Variants in MAP3K14 observed in about 807,000 individuals in gnomAD.
MAP3K14 encodes the protein NF-kappa-beta-inducing kinase.
A neutral mutation model predicts 99.2 loss-of-function variants in MAP3K14; 16 were observed. The observed-to-expected ratio is 0.16, with a 90% confidence interval of 0.11 to 0.24. The LOEUF (loss-of-function observed/expected upper bound fraction) is 0.24. Among genes scored for constraint, MAP3K14 ranks in the 10% least tolerant of loss-of-function variants. The pLI, the probability that MAP3K14 is intolerant of heterozygous loss-of-function variation, is 1.00. For missense variants in MAP3K14, 784 were observed against 1,208.7 expected (o/e 0.65, Z 5.21); for synonymous variants, 462 against 492.4 (o/e 0.94, Z 0.82).
chr17:45,310,281 G>A (rs1328939837), intron 1 of MAP3K14, among the ~76,000 whole-genome samples: 4 of 151,820 alleles, frequency 2.6e-5, no homozygotes, highest in Non-Finnish European at 4.4e-5. Flanking sequence ...TGATCCGCCC[G>A]CCTCAGCCTC....
intron 1 of MAP3K14, among the ~76,000 whole-genome samples, chr17:45,291,921 C>T (rs146621256): frequency 3.3e-4 from 50 of 152,370 alleles, no homozygotes; most frequent in Admixed American, 3.0e-3. Context: ...CAGACAGGTA[C>T]ACCATCTGAA....
At chr17:45,270,775 C>G (rs1218801218) in intron 10 of MAP3K14, 1 of 792,190 alleles carries the variant, frequency 1.3e-6, no homozygotes, top group Non-Finnish European at 2.0e-6. Flanking sequence ...GGCAGCAAGA[C>G]GCCCACAGCC....
chr17:45,305,960 T>A (rs2044427246), intron 1 of MAP3K14, among the ~76,000 whole-genome samples: 3 of 152,254 alleles, frequency 2.0e-5, no homozygotes, highest in Admixed American at 2.0e-4. Flanking sequence ...GACCCACAAT[T>A]CCTTGGCAGC....
Position 45,287,160 on chromosome 17 carries a change from T to C in MAP3K14, c.531A>G (p.Pro177=). The C allele has an allele frequency of 6.2e-7, 1 of 1,613,418 alleles. No individual in the cohort carries two copies. The highest frequency in any genetic ancestry group is 8.5e-7 in the Non-Finnish European group (1 of 1,179,548). The part of the protein sequence containing the change: ...RTPEQESCTI[P]VQEDESPLGA... ...AGTGGGTGGAGGGTCTCACCTGCAC[T>C]GGGATGGTGCAGCTCTCCTGCTCAG... Residue 177 remains proline (P), a synonymous_variant, in exon 4 of 16, where the codon CCA becomes CCG. Transcript: ENST00000344686.
intron 6 of MAP3K14, 95 bp from the exon 7 acceptor site, chr17:45,274,688 G>A (rs1391243040): frequency 1.4e-5 from 20 of 1,448,050 alleles, no homozygotes; most frequent in Non-Finnish European, 1.5e-5. Flanking sequence ...CACACACAGA[G>A]GCTGCTGCTG....
intron 1 of MAP3K14, among the ~76,000 whole-genome samples, chr17:45,309,590 C>T (rs911273199): frequency 2.0e-5 from 3 of 152,146 alleles, no homozygotes; most frequent in African/African-American, 7.2e-5. Context: ...TAAATGAGTG[C>T]CACAGGCTCT....
At chr17:45,296,865 A>G (rs1035718336) in intron 1 of MAP3K14, among the ~76,000 whole-genome samples, 16 of 152,266 alleles carry the variant, frequency 1.1e-4, no homozygotes, top group Admixed American at 2.6e-4. Context: ...TATCTACTCA[A>G]TGAAGCCTTT....
chr17:45,306,266 A>C (rs890720438), intron 1 of MAP3K14, among the ~76,000 whole-genome samples: 2 of 152,108 alleles, frequency 1.3e-5, no homozygotes, highest in African/African-American at 2.4e-5. Flanking sequence ...TTTGCACAAG[A>C]GACTTTTATG....
At position 45,286,476 on chromosome 17, in the gene MAP3K14, C is replaced by T. The variant is rs754170947; in HGVS notation, c.1107G>A (p.Glu369=). Residue 369 remains glutamate, a synonymous_variant, in exon 5 of 16, where the codon GAG becomes GAA. Transcript: ENST00000344686. This position sits in a 1 kb window ranked among gnomAD's most constrained non-coding sequence, Gnocchi z 4.1. ...TWAARGSRSR[E]PSPKTEDNEG... ...CGTTGTCCTCAGTTTTGGGGCTGGGCTCCCGGGATCTGGAGCCCCTTGCTG... is the reference window on the plus strand; with the variant it reads ...CGTTGTCCTCAGTTTTGGGGCTGGGTTCCCGGGATCTGGAGCCCCTTGCTG... 1 of 1,602,192 alleles carries T rather than the reference C, an allele frequency of 6.2e-7. No homozygotes were observed. Among genetic ancestry groups the T allele is most frequent in the Non-Finnish European group, 8.5e-7 (1 of 1,173,650 alleles).
intron 1 of MAP3K14, among the ~76,000 whole-genome samples, chr17:45,293,329 C>T (rs1291514758): frequency 1.3e-5 from 2 of 152,182 alleles, no homozygotes; most frequent in Non-Finnish European, 2.9e-5. Flanking sequence ...ACGGAGGCTT[C>T]TGGATAGGTC....
intron 3 of MAP3K14, among the ~76,000 whole-genome samples, chr17:45,288,376 CTT>C (rs1253266162): frequency 6.3e-5 from 7 of 111,566 alleles, no homozygotes; most frequent in Admixed American, 2.4e-4. Context: ...AGCTTGAACT[CTT>C]GTTTTTTTTT....
At chr17:45,266,155 G>A in intron 14 of MAP3K14, 2 of 176,316 alleles carry the variant, frequency 1.1e-5, no homozygotes, top group Non-Finnish European at 2.4e-5. Context: ...AATCCCAGAG[G>A]GGGATTCCTT....
At chr17:45,277,933 A>C (rs989820114) in intron 6 of MAP3K14, among the ~76,000 whole-genome samples, 1 of 152,252 alleles carries the variant, frequency 6.6e-6, no homozygotes, top group Non-Finnish European at 1.5e-5. Context: ...TGAGATGTGC[A>C]ACAAGGCATA....
At chr17:45,278,072 C>T (rs1211213377) in intron 6 of MAP3K14, among the ~76,000 whole-genome samples, 1 of 152,176 alleles carries the variant, frequency 6.6e-6, no homozygotes, top group Non-Finnish European at 1.5e-5. Flanking sequence ...GCTTCATAAA[C>T]AGAACTGTTG....
intron 1 of MAP3K14, among the ~76,000 whole-genome samples, chr17:45,301,840 T>A (rs1210201227): frequency 6.7e-6 from 1 of 149,054 alleles, no homozygotes; most frequent in Non-Finnish European, 1.5e-5. Flanking sequence ...TCTCTTTTTT[T>A]TTTTTTTTTT....
chr17:45,278,381 G>A (rs570340899), intron 6 of MAP3K14, among the ~76,000 whole-genome samples: 2 of 152,270 alleles, frequency 1.3e-5, no homozygotes, highest in South Asian at 2.1e-4. Context: ...TTCCTCATCC[G>A]TAAAATGAGG....
At chr17:45,310,075 C>T (rs2044461880) in intron 1 of MAP3K14, among the ~76,000 whole-genome samples, 1 of 147,654 alleles carries the variant, frequency 6.8e-6, no homozygotes, top group Admixed American at 6.8e-5. Flanking sequence ...GCTCTTGTCG[C>T]CCAGGCTGGA....
chr17:45,283,660 C>A (rs540954048), intron 6 of MAP3K14, among the ~76,000 whole-genome samples: 10 of 152,306 alleles, frequency 6.6e-5, no homozygotes, highest in South Asian at 4.1e-4. Flanking sequence ...CAGGTTGGTG[C>A]TCCAAAAGTT....
intron 8 of MAP3K14, 52 bp downstream of exon 8, chr17:45,274,071 G>C: frequency 6.3e-7 from 1 of 1,589,210 alleles, no homozygotes. Flanking sequence ...CAGACAGGAT[G>C]GTGTGAGAGA....
Sources: gnomAD v4.1 joint callset for allele counts (sites outside exome capture counted in the v4.1 genomes callset) on GRCh38, gnomAD v4.1.1 for gene constraint, Gnocchi (gnomAD v3.1) non-coding constraint, MANE v1.5 for transcripts, NCBI Gene and HGNC (gene_info 2026-07-23, HGNC 2026-07-21) for gene names.